The following ZNF385D variants were observed in gnomAD, a reference collection of about 807,000 sequenced individuals.
The protein encoded by ZNF385D is zinc finger protein 385D, also known as zinc finger protein 659.
Under a neutral mutation model 35.8 loss-of-function variants are expected in ZNF385D, and 15 were observed. The ratio of observed to expected loss-of-function variants is 0.42; its 90% CI spans 0.28 to 0.64. The LOEUF (loss-of-function observed/expected upper bound fraction) is 0.64, where lower values mean the gene tolerates loss of function less well. ZNF385D is among the 30% of genes least tolerant of loss of function. ZNF385D has a pLI of 0.23. For synonymous variants in ZNF385D, 212 were observed against 186.8 expected (o/e 1.13, Z -1.10); for missense variants, 474 against 494.6 (o/e 0.96, Z 0.39).
intron 3 of ZNF385D, among the ~76,000 whole-genome samples, chr3:21,905,000 C>T (rs1193775989): frequency 6.6e-6 from 1 of 151,770 alleles, no homozygotes; most frequent in Admixed American, 6.6e-5. Flanking sequence ...AACTACGATT[C>T]ATCTCATTAA....
At chr3:22,351,138 G>A (rs1292754774) in intron 2 of ZNF385D, among the ~76,000 whole-genome samples, 1 of 151,944 alleles carries the variant, frequency 6.6e-6, no homozygotes, top group African/African-American at 2.4e-5. Flanking sequence ...ATTTAAAAAA[G>A]CAATTAGCCT....
chr3:22,362,464 G>T (rs1167410035), intron 2 of ZNF385D, among the ~76,000 whole-genome samples: 1 of 151,920 alleles, frequency 6.6e-6, no homozygotes, highest in African/African-American at 2.4e-5. Flanking sequence ...TTCTTTATGA[G>T]GTCCTCAAAT....
At chr3:22,279,579 C>T (rs1457964420) in intron 2 of ZNF385D, among the ~76,000 whole-genome samples, 8 of 138,394 alleles carry the variant, frequency 5.8e-5, no homozygotes, top group Admixed American at 4.3e-4. Flanking sequence ...TATGTATATA[C>T]ATATACATAT....
intron 3 of ZNF385D, among the ~76,000 whole-genome samples, chr3:21,893,466 T>C (rs1202974744): frequency 6.6e-6 from 1 of 152,154 alleles, no homozygotes; most frequent in East Asian, 1.9e-4. Context: ...ACATGAGATA[T>C]GCAAAGATGA....
At position 21,415,246 on chromosome 3, in the gene ZNF385D, G is replaced by A. The variant is rs543516152; in HGVS notation, c.*5968C>T. On this transcript the variant is annotated 3_prime_UTR_variant, in exon 8 of 8. Transcript: ENST00000281523. ...CTCTCTGCTAATTTTCCGTTGTCTT[G>A]TTATACCATGTCCTGCACACTACCT... The A allele has an allele frequency of 6.6e-6, 1 of 152,042 alleles. No individual in the cohort carries two copies. The highest frequency in any genetic ancestry group is 2.1e-4 in the South Asian group (1 of 4,826). 9.4% of individuals were successfully genotyped at this position (152,042 alleles called of 1,614,324 possible).
In ZNF385D at chr3:22,111,812, T is replaced by C. The variant is rs761329196; in HGVS notation, c.325+57005A>G. Among the ~76,000 whole-genome samples the C allele has an allele frequency of 3.3e-5, 5 of 152,260 alleles. 1 individual carries two copies. The highest frequency in any genetic ancestry group is 2.1e-4 in the South Asian group (1 of 4,824). On this transcript the variant is annotated intron_variant, in intron 3 of 5. Transcript: ENST00000494108. ...TTGTGAAACCCTGAACAGTGAAACATAGAGCTAACTCACTGTTCTATTGGT... is the reference window on the plus strand; with the variant it reads ...TTGTGAAACCCTGAACAGTGAAACACAGAGCTAACTCACTGTTCTATTGGT...
intron 3 of ZNF385D, among the ~76,000 whole-genome samples, chr3:21,915,473 T>C (rs7635391): frequency 0.41 from 62,731 of 151,850 alleles, 13,743 homozygotes; most frequent in Non-Finnish European, 0.5. Context: ...TCAATTCTTT[T>C]AATGTTCTAG....
At position 22,160,930 on chromosome 3, in the gene ZNF385D, G is replaced by A. The variant is rs954944421; in HGVS notation, c.325+7887C>T. ...GAAACTGAATTAATTTGCCATAGAA[G>A]GTTTAAACATCCTAAAAGTTATGCC... On this transcript the variant is annotated intron_variant, in intron 3 of 5. Transcript: ENST00000494108. 2.6e-4 allele frequency among the ~76,000 whole-genome samples: 39 copies of A among 152,002 alleles called. 1 individual carries two copies. The highest frequency in any genetic ancestry group is 2.6e-4 in the Admixed American group (4 of 15,240).
intron 3 of ZNF385D, chr3:22,134,480 A>C (rs1392963803): frequency 6.6e-6 from 1 of 152,184 alleles, no homozygotes; most frequent in Non-Finnish European, 1.5e-5. Flanking sequence ...AGAATATGGA[A>C]GATCTAAACA....
In ZNF385D at chr3:21,973,544, A is replaced by G. The variant is rs141797736; in HGVS notation, c.325+195273T>C. Reference sequence around the variant, plus strand: ...TGCCCACTTTCACCACTGTTATTCAACATAGTACTGGAAGTACTAGCTAGA... The same window carrying G: ...TGCCCACTTTCACCACTGTTATTCAGCATAGTACTGGAAGTACTAGCTAGA... On this transcript the variant is annotated intron_variant, in intron 3 of 5. Transcript: ENST00000494108. Among the ~76,000 whole-genome samples the G allele has an allele frequency of 9.8e-4, 149 of 152,174 alleles. 3 individuals carry two copies. In the East Asian group the frequency reaches 0.026, roughly 27 times the overall value.
rs555359959 is a variant in ZNF385D at position 22,122,283 on chromosome 3, C to T, written c.325+46534G>A. On this transcript the variant is annotated intron_variant, in intron 3 of 5. Coordinates refer to the ZNF385D transcript ENST00000494108. ...AGTGACAAGCATCAGGACCTGCATT[C>T]GGCTGAAGTCATCAAAGGGTTTCCA... is the stretch of plus-strand genomic sequence containing the variant. 1.1e-4 allele frequency among the ~76,000 whole-genome samples: 17 copies of T among 152,178 alleles called. No homozygotes were observed. In the South Asian group the frequency reaches 1.5e-3, roughly 13 times the overall value.
intron 3 of ZNF385D, among the ~76,000 whole-genome samples, chr3:21,904,855 G>C (rs908595467): frequency 1.3e-5 from 2 of 152,060 alleles, no homozygotes; most frequent in Non-Finnish European, 2.9e-5. Context: ...GCATTATGTT[G>C]TTGAGACACA....
At chr3:21,769,057 TGA>T in intron 3 of ZNF385D, among the ~76,000 whole-genome samples, 1 of 152,184 alleles carries the variant, frequency 6.6e-6, no homozygotes, top group South Asian at 2.1e-4. Context: ...CCTAATTTAT[TGA>T]GAGTTTTTAG....
At chr3:21,715,891 T>C (rs1227867741) in intron 1 of ZNF385D, among the ~76,000 whole-genome samples, 3 of 152,176 alleles carry the variant, frequency 2.0e-5, no homozygotes, top group South Asian at 2.1e-4. Context: ...GGAGATCTAA[T>C]AGGTATTTTA....
chr3:21,887,675 C>T (rs1474667974), intron 3 of ZNF385D, among the ~76,000 whole-genome samples: 2 of 152,010 alleles, frequency 1.3e-5, no homozygotes, highest in Non-Finnish European at 2.9e-5. Flanking sequence ...CATAATATTC[C>T]TTAGGCCACA....
At chr3:22,341,875 T>C (rs1189114590) in intron 2 of ZNF385D, among the ~76,000 whole-genome samples, 3 of 152,206 alleles carry the variant, frequency 2.0e-5, no homozygotes, top group African/African-American at 7.2e-5. Flanking sequence ...AGGCACATAG[T>C]AGGTGCTCAG....
intron 2 of ZNF385D, among the ~76,000 whole-genome samples, chr3:22,354,525 C>T (rs1048847098): frequency 4.6e-5 from 7 of 151,716 alleles, no homozygotes; most frequent in Middle Eastern, 3.2e-3. Flanking sequence ...AGATTGTATT[C>T]ATTTAAATTA....
intron 2 of ZNF385D, among the ~76,000 whole-genome samples, chr3:22,242,374 A>C (rs1002791397): frequency 1.5e-4 from 23 of 151,200 alleles, no homozygotes; most frequent in African/African-American, 5.4e-4. Flanking sequence ...ACAGCTAGAG[A>C]ACCTGGCAAA....
intron 3 of ZNF385D, among the ~76,000 whole-genome samples, chr3:22,166,055 T>C (rs1009002444): frequency 7.8e-6 from 1 of 128,964 alleles, no homozygotes; most frequent in Non-Finnish European, 1.9e-5. Flanking sequence ...GACTTGGCCC[T>C]GATCCTACCA....
Sources: gnomAD v4.1 joint callset for allele counts (sites outside exome capture counted in the v4.1 genomes callset) on GRCh38, gnomAD v4.1.1 for gene constraint, MANE v1.5 for transcripts, NCBI Gene and HGNC (gene_info 2026-07-23, HGNC 2026-07-21) for gene names.